The following CNNM2 variants were observed in gnomAD, a reference collection of about 807,000 sequenced individuals.
The protein encoded by CNNM2 is metal transporter CNNM2.
In CNNM2, 12 loss-of-function variants were observed where a neutral mutation model predicts 66.9. That is an observed-to-expected ratio of 0.18 (90% CI 0.11 to 0.29). The LOEUF (loss-of-function observed/expected upper bound fraction) is 0.29. CNNM2 is among the 10% of genes least tolerant of loss of function. The probability of loss-of-function intolerance (pLI) is 1.00; values close to 1 mark genes in which losing one functional copy is unlikely to be tolerated. For synonymous variants in CNNM2, 557 were observed against 501.8 expected (o/e 1.11, Z -1.47); for missense variants, 705 against 1,167.7 (o/e 0.60, Z 5.77).
intron 1 of CNNM2, among the ~76,000 whole-genome samples, chr10:103,002,721 CACTT>C (rs2064145516): frequency 3.3e-5 from 5 of 152,164 alleles, no homozygotes; most frequent in Admixed American, 1.3e-4. Flanking sequence ...TCAGGTGATC[CACTT>C]GCCTCAGCCT....
At chr10:102,981,338 A>C (rs1335861566) in intron 1 of CNNM2, among the ~76,000 whole-genome samples, 1 of 151,876 alleles carries the variant, frequency 6.6e-6, no homozygotes, top group Admixed American at 6.6e-5. Context: ...TGACAGAGCG[A>C]GACCAGTCTC....
intron 1 of CNNM2, among the ~76,000 whole-genome samples, chr10:102,967,121 A>T (rs925286316): frequency 2.6e-5 from 4 of 152,070 alleles, no homozygotes; most frequent in Non-Finnish European, 5.9e-5. Context: ...TACGTTTTTT[A>T]AAAAATTTCT....
chr10:102,986,352 C>G (rs1353508943), intron 1 of CNNM2, among the ~76,000 whole-genome samples: 2 of 151,932 alleles, frequency 1.3e-5, no homozygotes, highest in Non-Finnish European at 2.9e-5. Flanking sequence ...CTCCCGGGTT[C>G]AAGTGATTCT....
intron 1 of CNNM2, among the ~76,000 whole-genome samples, chr10:103,024,573 G>T (rs2064660830): frequency 6.6e-6 from 1 of 152,060 alleles, no homozygotes. Flanking sequence ...CCGCCTCCCG[G>T]GTTCAAGCGA....
Position 103,089,705 on chromosome 10 carries a change from A to G in CNNM2, c.*12525A>G. 6.2e-7 allele frequency: 1 copy of G among 1,610,758 alleles called. No individual in the cohort carries two copies. Among genetic ancestry groups the G allele is most frequent in the Non-Finnish European group, 8.5e-7 (1 of 1,178,540 alleles). ...CCTCCTCCTCCTCCTCTTCATCATC[A>G]TCTTCGTCATGGCAGTGTGTAATTT... On this transcript the variant is annotated 3_prime_UTR_variant, in exon 8 of 8. Transcript: ENST00000369878.
intron 1 of CNNM2, among the ~76,000 whole-genome samples, chr10:102,931,881 T>C (rs1049275783): frequency 2.0e-5 from 3 of 151,560 alleles, no homozygotes; most frequent in African/African-American, 7.3e-5. Flanking sequence ...GCCATCCTAG[T>C]GAGAAGTGGT....
intron 1 of CNNM2, among the ~76,000 whole-genome samples, chr10:102,977,046 GTAT>G (rs1019578853): frequency 2.0e-5 from 3 of 152,110 alleles, no homozygotes; most frequent in Admixed American, 2.0e-4. Flanking sequence ...GAGGCTCACA[GTAT>G]TATTCTTCCC....
intron 1 of CNNM2, among the ~76,000 whole-genome samples, chr10:102,939,495 T>C (rs1846351543): frequency 6.6e-6 from 1 of 152,210 alleles, no homozygotes; most frequent in Admixed American, 6.5e-5. Context: ...TGAGGACCAC[T>C]CTTCAGGTTG....
intron 6 of CNNM2, among the ~76,000 whole-genome samples, chr10:103,072,871 T>C (rs548680930): frequency 1.3e-3 from 203 of 152,350 alleles, no homozygotes; most frequent in Middle Eastern, 3.4e-3. Context: ...TCACCAAAAG[T>C]TAATGTGTTT....
chr10:102,935,511 T>C (rs1846205434), intron 1 of CNNM2, among the ~76,000 whole-genome samples: 1 of 152,144 alleles, frequency 6.6e-6, no homozygotes, highest in Non-Finnish European at 1.5e-5. Flanking sequence ...ATCAAGGGTC[T>C]TCTTTGGTTT....
At chr10:103,017,609 A>G (rs762157726) in intron 1 of CNNM2, among the ~76,000 whole-genome samples, 15 of 152,348 alleles carry the variant, frequency 9.8e-5, no homozygotes, top group South Asian at 2.1e-4. Flanking sequence ...AAGTGGAGAC[A>G]GGAAGAGCAA....
At chr10:103,033,418 C>A (rs2064868538) in intron 1 of CNNM2, among the ~76,000 whole-genome samples, 1 of 152,130 alleles carries the variant, frequency 6.6e-6, no homozygotes, top group Non-Finnish European at 1.5e-5. Flanking sequence ...TCTCAATCTC[C>A]AGACCTCCTG....
chr10:102,968,716 G>A (rs943229955), intron 1 of CNNM2, among the ~76,000 whole-genome samples: 14 of 150,748 alleles, frequency 9.3e-5, no homozygotes, highest in African/African-American at 2.9e-4. Context: ...TGATCCTTCC[G>A]CCTCATTGCA....
rs968874315 is a variant in CNNM2, at chr10:102,997,232, C to A, written c.1622-52475C>A. On this transcript the variant is annotated intron_variant, in intron 1 of 7. Coordinates refer to ENST00000369878, the MANE Select transcript of CNNM2 (RefSeq NM_017649.5). ...TTCTTATGGATTGCTTCATTGTCTG[C>A]AAGCATCCAGTCTTAATAATGAGGA... is the stretch of plus-strand genomic sequence containing the variant. Among the ~76,000 whole-genome samples, 9 of 152,210 alleles carry A rather than the reference C, an allele frequency of 5.9e-5. No individual in the cohort carries two copies. In the East Asian group the frequency reaches 1.7e-3, roughly 29 times the overall value.
At chr10:103,028,860 T>C (rs1447392316) in intron 1 of CNNM2, among the ~76,000 whole-genome samples, 1 of 141,380 alleles carries the variant, frequency 7.1e-6, no homozygotes, top group Non-Finnish European at 1.5e-5. Context: ...TCTCGCTGTG[T>C]CACTCAGGCT....
chr10:103,025,177 C>T (rs1311849419), intron 1 of CNNM2, among the ~76,000 whole-genome samples: 1 of 152,138 alleles, frequency 6.6e-6, no homozygotes, highest in East Asian at 1.9e-4. Context: ...CGGCAACCTC[C>T]AACTCCCTGG....
intron 1 of CNNM2, among the ~76,000 whole-genome samples, chr10:102,990,336 T>G (rs1459320013): frequency 6.6e-6 from 1 of 152,072 alleles, no homozygotes; most frequent in Non-Finnish European, 1.5e-5. Context: ...CCCCCAGATG[T>G]ATAGAATTAT....
At chr10:102,990,578 G>C (rs551970691) in intron 1 of CNNM2, among the ~76,000 whole-genome samples, 1 of 152,148 alleles carries the variant, frequency 6.6e-6, no homozygotes, top group African/African-American at 2.4e-5. Flanking sequence ...TTAAGCTATA[G>C]CAATGGCTCT....
In CNNM2 at chr10:103,033,817, A is replaced by T. The variant is rs2064876883; in HGVS notation, c.1622-15890A>T. On this transcript the variant is annotated intron_variant, in intron 1 of 7. Coordinates refer to ENST00000369878, the MANE Select transcript of CNNM2 (RefSeq NM_017649.5). ...ACATTTTTAAGAGCTATTGGGGGAA[A>T]GTAGATCATGGGAATGGTGAGTAGG... 3.3e-5 allele frequency among the ~76,000 whole-genome samples: 5 copies of T among 152,182 alleles called. No homozygotes were observed. The South Asian group carries it at 6.2e-4, about 19-fold the overall frequency.
Sources: gnomAD v4.1 joint callset for allele counts (sites outside exome capture counted in the v4.1 genomes callset) on GRCh38, gnomAD v4.1.1 for gene constraint, MANE v1.5 for transcripts, NCBI Gene and HGNC (gene_info 2026-07-23, HGNC 2026-07-21) for gene names.